Variants in SLC16A3 observed in about 807,000 individuals in gnomAD.
SLC16A3 encodes the protein solute carrier family 16 member 3.
Under a neutral mutation model 25.0 loss-of-function variants are expected in SLC16A3, and 22 were observed. The observed-to-expected ratio is 0.88, with a 90% CI of 0.63 to 1.26. The LOEUF (loss-of-function observed/expected upper bound fraction) is 1.26. SLC16A3 is among the 50% of genes most tolerant of loss of function. The pLI is 0.00. For synonymous variants in SLC16A3, 390 were observed against 309.2 expected, an observed-to-expected ratio of 1.26 and a Z score of -2.74; for missense variants, 731 against 666.6, an observed-to-expected ratio of 1.10 and a Z score of -1.06.
rs2050699029 is a variant in SLC16A3, at chr17:82,239,131, A to G, written c.*155A>G. 2 of 704,238 alleles carry G rather than the reference A, an allele frequency of 2.8e-6. No homozygotes were observed. The highest frequency in any genetic ancestry group is 4.4e-6 in the Non-Finnish European group (2 of 451,998). The allele number at this position is 704,238 out of a possible 1,614,324, so 43.6% of individuals were successfully genotyped here. On this transcript the variant is annotated 3_prime_UTR_variant, in exon 5 of 5. Coordinates refer to ENST00000582743, the MANE Select transcript of SLC16A3 (RefSeq NM_004207.4). ...CGCCCGATCAGTGTTTTGAGGGGGA[A>G]GGTGGCGGGGTGGGAACCGTGTCAT...
In SLC16A3 at chr17:82,238,769, C is replaced by T. The variant is rs1568542636; in HGVS notation, c.1191C>T (p.Thr397=). The change falls in exon 5 of 5, where the codon ACC becomes ACT. Residue 397 remains threonine, a synonymous_variant. Transcript: ENST00000582743. ...VFILAGAEVL[T]SSLILLLGNF... is the part of the protein sequence containing the mutation. Reference sequence around the variant, plus strand: ...TCCTGGCGGGGGCCGAGGTGCTCACCTCCTCCCTGATTTTGCTGCTGGGCA... The same window carrying T: ...TCCTGGCGGGGGCCGAGGTGCTCACTTCCTCCCTGATTTTGCTGCTGGGCA... 1.9e-6 allele frequency: 3 copies of T among 1,612,778 alleles called. No homozygotes were observed. Among genetic ancestry groups the T allele is most frequent in the South Asian group, 2.2e-5 (2 of 91,056 alleles).
At chr17:82,219,747 T>C (rs1041020343) in intron 1 of SLC16A3, among the ~76,000 whole-genome samples, 1 of 147,912 alleles carries the variant, frequency 6.8e-6, no homozygotes, top group Non-Finnish European at 1.5e-5. Flanking sequence ...AGGCGGGGGG[T>C]CTGCGCTGAG....
chr17:82,235,751 C>G, intron 1 of SLC16A3: 2 of 566,420 alleles, frequency 3.5e-6, no homozygotes, highest in East Asian at 5.9e-5. Context: ...CCCTTTAGAG[C>G]CAGCTGTGAG....
chr17:82,236,310 C>A, intron 2 of SLC16A3, 79 bp downstream of exon 2: 1 of 1,321,534 alleles, frequency 7.6e-7, no homozygotes, highest in South Asian at 1.2e-5. Flanking sequence ...CTGGGCTCAG[C>A]AACAGGGCCT....
At position 82,237,679 on chromosome 17, in the gene SLC16A3, C is replaced by T. The variant is rs551415875; in HGVS notation, c.909C>T (p.Phe303=). 3 of 1,612,896 alleles carry T rather than the reference C, an allele frequency of 1.9e-6. No homozygotes were observed. The highest frequency in any genetic ancestry group is 2.2e-5 in the East Asian group (1 of 44,866). Residue 303 remains phenylalanine, a synonymous_variant, in exon 4 of 5, where the codon TTC becomes TTT. Coordinates refer to ENST00000582743, the MANE Select transcript of SLC16A3 (RefSeq NM_004207.4). ...TCTACCTCTTCAGCTTCTCCATGTT[C>T]TTCAACGGCCTCGCGGACCTGGCGG... ...YSVYLFSFSM[F]FNGLADLAGS...
upstream of SLC16A3, among the ~76,000 whole-genome samples, chr17:82,225,244 G>C (rs2050414651): frequency 6.6e-6 from 1 of 152,134 alleles, no homozygotes; most frequent in African/African-American, 2.4e-5. Context: ...CCCGGTGACA[G>C]AGTGAGACTC....
chr17:82,235,991 GA>G lies in SLC16A3; in HGVS notation c.-16del, dbSNP rs762518299. ...CCTGCTTTCTCTCTCAGGTGAGGCG[GA>G]ACCAACCCTCCTGGCCATGGGAGGG... On this transcript the variant is annotated 5_prime_UTR_variant, in exon 2 of 5. Coordinates refer to ENST00000582743, the MANE Select transcript of SLC16A3 (RefSeq NM_004207.4). 6.2e-7 allele frequency: 1 copy of G among 1,603,906 alleles called. No individual in the cohort carries two copies. Among genetic ancestry groups the G allele is most frequent in the South Asian group, 1.1e-5 (1 of 90,568 alleles).
chr17:82,234,436 G>C (rs1399090889), intron 1 of SLC16A3: 3 of 152,296 alleles, frequency 2.0e-5, no homozygotes, highest in African/African-American at 7.2e-5. Flanking sequence ...CTCTGGCTCT[G>C]TGGGGGGGTC....
At position 82,238,873 on chromosome 17, in the gene SLC16A3, C is replaced by T; in HGVS notation, c.1295C>T (p.Pro432Leu). 2 of 1,610,244 alleles carry T rather than the reference C, an allele frequency of 1.2e-6. No homozygotes were observed. Among genetic ancestry groups the T allele is most frequent in the Non-Finnish European group, 1.7e-6 (2 of 1,177,908 alleles). The change falls in exon 5 of 5, where the codon CCT becomes CTT. Residue 432 changes from proline to leucine, a missense_variant. By Grantham distance (98) the Pro-to-Leu change is moderately conservative. Coordinates refer to ENST00000582743, the MANE Select transcript of SLC16A3 (RefSeq NM_004207.4). The part of the protein sequence containing the change: ...AAAEEEKLHK[P>L]PADSGVDLRE... ...GCGGAGGAGGAGAAGCTCCACAAGC[C>T]TCCTGCAGACTCGGGGGTGGACTTG...
At chr17:82,221,606 A>C (rs201273118) in intron 1 of SLC16A3, among the ~76,000 whole-genome samples, 1 of 133,366 alleles carries the variant, frequency 7.5e-6, no homozygotes, top group Non-Finnish European at 1.6e-5. Context: ...ACAACAACAA[A>C]AAAGACAACC....
chr17:82,234,091 TG>T (rs1568536216), intron 1 of SLC16A3: 1 of 152,176 alleles, frequency 6.6e-6, no homozygotes, highest in African/African-American at 2.4e-5. Flanking sequence ...CCGCCCGCCT[TG>T]GCCCCCCAAA....
At chr17:82,230,387 C>T (rs2050474884) in intron 1 of SLC16A3, 1 of 152,418 alleles carries the variant, frequency 6.6e-6, no homozygotes, top group African/African-American at 2.4e-5. Flanking sequence ...GGTCTCAAGG[C>T]AGGCTTGGTA....
chr17:82,226,776 G>A (rs899569482), upstream of SLC16A3, among the ~76,000 whole-genome samples: 3 of 152,146 alleles, frequency 2.0e-5, no homozygotes, highest in Non-Finnish European at 4.4e-5. Flanking sequence ...TCCTCGGAGA[G>A]GGGCCCAGGG....
chr17:82,238,019 G>A, intron 4 of SLC16A3, 126 bp downstream of exon 4: 1 of 1,170,250 alleles, frequency 8.5e-7, no homozygotes, highest in South Asian at 1.5e-5. Context: ...TGGAGGGGGT[G>A]CACTGTGCTG....
intron 1 of SLC16A3, chr17:82,231,393 TCC>T (rs563416247): frequency 6.6e-6 from 1 of 151,918 alleles, no homozygotes; most frequent in African/African-American, 2.4e-5. Flanking sequence ...GTCTTCACCT[TCC>T]CCCCCGGGTC....
At chr17:82,223,389 C>A (rs987236949) in intron 1 of SLC16A3, among the ~76,000 whole-genome samples, 1 of 152,098 alleles carries the variant, frequency 6.6e-6, no homozygotes, top group Non-Finnish European at 1.5e-5. Context: ...GCTGGTCACC[C>A]TATTGGCCAG....
At chr17:82,227,328 TTCAGGGA>T (rs1368044770), upstream of SLC16A3, among the ~76,000 whole-genome samples, 4 of 151,642 alleles carry the variant, frequency 2.6e-5, no homozygotes, top group African/African-American at 9.7e-5. Flanking sequence ...GGGTTCAGGG[TTCAGGGA>T]TCAGGGCCAA....
intron 2 of SLC16A3, 117 bp downstream of exon 2, chr17:82,236,348 G>A (rs912050083): frequency 1.4e-5 from 14 of 984,168 alleles, no homozygotes; most frequent in Admixed American, 2.1e-5. Context: ...GAACCCTGGA[G>A]GGAAGCCCTT....
In SLC16A3 at chr17:82,237,711, C is replaced by T. The variant is rs144275847; in HGVS notation, c.941C>T (p.Thr314Met). 1.7e-5 allele frequency: 28 copies of T among 1,611,960 alleles called. No homozygotes were observed. The highest frequency in any genetic ancestry group is 2.7e-5 in the African/African-American group (2 of 74,924). Residue 314 changes from threonine (T) to methionine (M), a missense_variant, in exon 4 of 5, where the codon ACG becomes ATG. Transcript: ENST00000582743. ...FNGLADLAGS[T>M]AGDYGGLVVF... ...GGCCTCGCGGACCTGGCGGGTTCTA[C>T]GGCGGGCGACTACGGCGGCCTCGTG...
Sources: allele counts gnomAD v4.1 joint callset (sites outside exome capture counted in the v4.1 genomes callset), GRCh38; gene constraint gnomAD v4.1.1; transcripts MANE v1.5; gene names NCBI Gene and HGNC (gene_info 2026-07-23, HGNC 2026-07-21).